The following C5orf58 variants were observed in gnomAD, a reference collection of about 807,000 sequenced individuals.
The protein encoded by C5orf58 is chromosome 5 open reading frame 58, also known as putative uncharacterized protein C5orf58.
C5orf58 carries 2 observed loss-of-function variants against 2.9 expected under a neutral mutation model. That is an observed-to-expected ratio of 0.69 (90% CI 0.28 to 2.18). C5orf58 has a LOEUF of 2.18. Ranked by LOEUF, C5orf58 falls within the 30% of genes most tolerant of loss-of-function variation. The pLI, the probability that C5orf58 is intolerant of heterozygous loss-of-function variation, is 0.13. For missense variants in C5orf58, 96 were observed against 91.7 expected, an observed-to-expected ratio of 1.05 and a Z score of -0.19; for synonymous variants, 37 against 33.4, an observed-to-expected ratio of 1.11 and a Z score of -0.37.
At chr5:170,238,578 T>G (rs77091910) in intron 3 of C5orf58, among the ~76,000 whole-genome samples, 2,545 of 152,246 alleles carry the variant, frequency 0.017, 72 homozygotes, top group African/African-American at 0.058. Flanking sequence ...TGAAGGGCAT[T>G]TGTTTCTACA....
downstream of C5orf58, chr5:170,250,766 T>G (rs757409371): frequency 6.2e-7 from 1 of 1,613,528 alleles, no homozygotes. Flanking sequence ...ACAAGTAAAC[T>G]TGACTTTCCT....
intron 3 of C5orf58, among the ~76,000 whole-genome samples, chr5:170,244,738 G>C (rs1350573892): frequency 6.6e-6 from 1 of 152,096 alleles, no homozygotes; most frequent in African/African-American, 2.4e-5. Flanking sequence ...CCTCCCGTTA[G>C]CTCAGAGTAA....
intron 3 of C5orf58, among the ~76,000 whole-genome samples, chr5:170,245,086 C>T (rs187494183): frequency 2.6e-4 from 39 of 152,244 alleles, no homozygotes; most frequent in African/African-American, 8.2e-4. Flanking sequence ...CCCAGTTAGC[C>T]GGGTCAGGGG....
At position 170,235,078 on chromosome 5, in the gene C5orf58, T is replaced by G; in HGVS notation, c.94+8T>G. 1 of 1,296,128 alleles carries G rather than the reference T, an allele frequency of 7.7e-7. No individual in the cohort carries two copies. Among genetic ancestry groups the G allele is most frequent in the African/African-American group, 1.5e-5 (1 of 68,102 alleles). The allele number at this position is 1,296,128 out of a possible 1,614,324, so 80.3% of individuals were successfully genotyped here. ...AGTTGAAGAAGATAAAAGGTAAGTA[T>G]TGAATCACTAAAATGTTTGCATGTC... On this transcript the variant is annotated splice_region_variant and intron_variant, in intron 3 of 3. Coordinates refer to ENST00000593851, the MANE Select transcript of C5orf58 (RefSeq NM_001102609.3).
rs1412983704 is a variant in C5orf58 at position 170,241,993 on chromosome 5, G to T, written c.95-3969G>T. On this transcript the variant is annotated intron_variant, in intron 3 of 3. Transcript: ENST00000593851. ...TTGAGAGTTTTTAGCATGAAGGGTT[G>T]TTGAATTTTGTCAAAGGCTTTTTCT... 5.3e-3 allele frequency among the ~76,000 whole-genome samples: 780 copies of T among 148,024 alleles called. 11 individuals are homozygous for T. The highest frequency in any genetic ancestry group is 0.018 in the African/African-American group (741 of 40,186).
chr5:170,237,677 A>G (rs1268511742), intron 3 of C5orf58, among the ~76,000 whole-genome samples: 4 of 152,190 alleles, frequency 2.6e-5, no homozygotes, highest in African/African-American at 7.2e-5. Flanking sequence ...TGAAATTTGG[A>G]TAATAGGAAG....
At chr5:170,234,227 G>A (rs200815976) in intron 2 of C5orf58, 29 bp downstream of exon 2, 23 of 1,329,022 alleles carry the variant, frequency 1.7e-5, no homozygotes, top group Middle Eastern at 2.1e-4. Flanking sequence ...TTTTGGACAA[G>A]CAGCTTGACC....
chr5:170,234,261 G>A, intron 2 of C5orf58, 63 bp downstream of exon 2: 3 of 1,001,006 alleles, frequency 3.0e-6, no homozygotes, highest in Non-Finnish European at 4.3e-6. Context: ...CTTTCACACT[G>A]CTGGAGTTGT....
rs1392597256 is a variant in C5orf58 at position 170,245,957 on chromosome 5, C to T, written c.95-5C>T. 1 of 1,611,462 alleles carries T rather than the reference C, an allele frequency of 6.2e-7. No individual in the cohort carries two copies. The highest frequency in any genetic ancestry group is 8.5e-7 in the Non-Finnish European group (1 of 1,178,836). On this transcript the variant is annotated splice_region_variant and splice_polypyrimidine_tract_variant and intron_variant, in intron 3 of 3. Coordinates refer to ENST00000593851, the MANE Select transcript of C5orf58 (RefSeq NM_001102609.3). ...ATATAATATCTCCTGTTTTGTTTTG[C>T]ACAGAGCTCTCCCAGTTATTGCTTT...
chr5:170,236,078 A>G (rs901456484), intron 3 of C5orf58, among the ~76,000 whole-genome samples: 6 of 152,096 alleles, frequency 3.9e-5, no homozygotes, highest in African/African-American at 1.4e-4. Context: ...TTCATTGGCC[A>G]GATTTGCATC....
chr5:170,239,638 T>C (rs1490284557), intron 3 of C5orf58, among the ~76,000 whole-genome samples: 1 of 152,172 alleles, frequency 6.6e-6, no homozygotes, highest in Non-Finnish European at 1.5e-5. Context: ...ATAACATAGA[T>C]AAAAATAAGT....
At chr5:170,248,766 C>A (rs1378376871), downstream of C5orf58, 1 of 1,611,408 alleles carries the variant, frequency 6.2e-7, no homozygotes, top group Admixed American at 1.7e-5. Context: ...CATCAATGAG[C>A]AGAAGTGGCA....
At chr5:170,248,811 CAG>C (rs770036834), downstream of C5orf58, 2 of 1,612,098 alleles carry the variant, frequency 1.2e-6, no homozygotes, top group South Asian at 1.1e-5. Flanking sequence ...CTGACACAGA[CAG>C]AAAGTCCTGA....
downstream of C5orf58, chr5:170,246,277 C>T (rs897277935): frequency 1.6e-5 from 9 of 572,570 alleles, no homozygotes; most frequent in Non-Finnish European, 2.6e-5. Flanking sequence ...AATGGCTTAA[C>T]TTACGTCACT....
At chr5:170,252,562 A>G, downstream of C5orf58, 1 of 914,716 alleles carries the variant, frequency 1.1e-6, no homozygotes, top group South Asian at 1.5e-5. Context: ...TTACAGATGT[A>G]AGTGAAAAGA....
chr5:170,242,534 C>A (rs1358412535), intron 3 of C5orf58, among the ~76,000 whole-genome samples: 11 of 113,466 alleles, frequency 9.7e-5, no homozygotes, highest in Admixed American at 1.8e-4. Flanking sequence ...GGAATTTATC[C>A]ATTTCTTCTA....
At chr5:170,245,383 C>T (rs576595977) in intron 3 of C5orf58, among the ~76,000 whole-genome samples, 125 of 152,348 alleles carry the variant, frequency 8.2e-4, no homozygotes, top group Middle Eastern at 3.4e-3. Flanking sequence ...TCGCTGCTGC[C>T]TTGCAGTTTG....
downstream of C5orf58, chr5:170,250,704 A>G (rs746072678): frequency 1.9e-6 from 3 of 1,602,828 alleles, no homozygotes; most frequent in Non-Finnish European, 2.6e-6. Context: ...AGACTTTGGG[A>G]AAATGTCGAA....
chr5:170,234,077 C>A, intron 1 of C5orf58, 38 bp from the exon 2 acceptor site: 1 of 1,268,406 alleles, frequency 7.9e-7, no homozygotes, highest in Non-Finnish European at 1.1e-6. Flanking sequence ...GGGGTAGATG[C>A]AAAGCGCATT....
Sources: allele counts gnomAD v4.1 joint callset (sites outside exome capture counted in the v4.1 genomes callset), GRCh38; gene constraint gnomAD v4.1.1; transcripts MANE v1.5; gene names NCBI Gene and HGNC (gene_info 2026-07-23, HGNC 2026-07-21).